The following GPR158 variants were observed in gnomAD, a reference collection of about 807,000 sequenced individuals.
The protein encoded by GPR158 is G protein-coupled receptor 158.
Under a neutral mutation model 78.2 loss-of-function variants are expected in GPR158, and 30 were observed. That is an observed-to-expected ratio of 0.38 (90% CI 0.29 to 0.52). The LOEUF (loss-of-function observed/expected upper bound fraction) is 0.52, where lower values mean the gene tolerates loss of function less well. Among genes scored for constraint, GPR158 ranks in the 20% least tolerant of loss-of-function variants. GPR158 has a pLI of 0.83. For synonymous variants in GPR158, 581 were observed against 591.1 expected, an observed-to-expected ratio of 0.98 and a Z score of 0.25; for missense variants, 1,463 against 1,523.5, an observed-to-expected ratio of 0.96 and a Z score of 0.66.
chr10:25,503,205 CAAAA>C (rs5783937), intron 5 of GPR158, among the ~76,000 whole-genome samples: 2 of 138,374 alleles, frequency 1.4e-5, no homozygotes, highest in Non-Finnish European at 1.6e-5. Flanking sequence ...GACCTCATTG[CAAAA>C]AAAAAAAAAA....
intron 2 of GPR158, among the ~76,000 whole-genome samples, chr10:25,360,643 C>T (rs540852194): frequency 1.7e-4 from 26 of 152,074 alleles, no homozygotes; most frequent in South Asian, 2.1e-4. Flanking sequence ...ACCAGTACCA[C>T]GCAGTTTTCA....
intron 2 of GPR158, among the ~76,000 whole-genome samples, chr10:25,357,430 G>A (rs36035509): frequency 0.1 from 15,193 of 152,116 alleles, 1,882 homozygotes; most frequent in African/African-American, 0.3. Flanking sequence ...TTACAGGCCC[G>A]GAGGCCTAGG....
At chr10:25,521,087 G>A (rs575037979) in intron 5 of GPR158, among the ~76,000 whole-genome samples, 41 of 152,320 alleles carry the variant, frequency 2.7e-4, no homozygotes, top group African/African-American at 7.0e-4. Context: ...TCCTAAGCCC[G>A]TCGGAAAAGC....
chr10:25,263,613 G>C (rs2130735779), intron 2 of GPR158, among the ~76,000 whole-genome samples: 1 of 152,264 alleles, frequency 6.6e-6, no homozygotes, highest in African/African-American at 2.4e-5. Flanking sequence ...TGTATGCCTA[G>C]AATTGGCTGT....
chr10:25,188,168 T>A (rs1342125781), intron 1 of GPR158, among the ~76,000 whole-genome samples: 1 of 152,140 alleles, frequency 6.6e-6, no homozygotes, highest in East Asian at 1.9e-4. Context: ...TCCATGCTCA[T>A]GGATAGGAAG....
intron 5 of GPR158, among the ~76,000 whole-genome samples, chr10:25,478,798 C>T: frequency 7.7e-6 from 1 of 130,336 alleles, no homozygotes. Flanking sequence ...TCCTCCCTCC[C>T]CCCACCCCAC....
At chr10:25,341,682 G>C (rs367850739) in intron 2 of GPR158, among the ~76,000 whole-genome samples, 1 of 151,602 alleles carries the variant, frequency 6.6e-6, no homozygotes, top group East Asian at 1.9e-4. Flanking sequence ...CAAATCATTC[G>C]TCTCTCCTTC....
At chr10:25,515,218 G>T (rs1836147208) in intron 5 of GPR158, among the ~76,000 whole-genome samples, 1 of 151,708 alleles carries the variant, frequency 6.6e-6, no homozygotes, top group African/African-American at 2.4e-5. Flanking sequence ...TTTTGTCTTT[G>T]TTGATTAATA....
Position 25,365,668 on chromosome 10 carries a change from A to C in GPR158, c.1009-30243A>C, listed in dbSNP as rs565861903. Among the ~76,000 whole-genome samples the C allele has an allele frequency of 9.9e-5, 15 of 151,826 alleles. No individual in the cohort carries two copies. In the East Asian group the frequency reaches 1.9e-3, roughly 20 times the overall value. ...TCAAATAAGTCATAATAAAAAATAC[A>C]ATTTCTTTGACAGGTGAAGGAGAAA... is the stretch of plus-strand genomic sequence containing the variant. On this transcript the variant is annotated intron_variant, in intron 2 of 10. Coordinates refer to ENST00000376351, the MANE Select transcript of GPR158 (RefSeq NM_020752.3).
chr10:25,319,746 A>G (rs1854918268), intron 2 of GPR158, among the ~76,000 whole-genome samples: 1 of 152,062 alleles, frequency 6.6e-6, no homozygotes, highest in African/African-American at 2.4e-5. Context: ...GAGAGTTTTT[A>G]CTTTTAGCTC....
intron 4 of GPR158, among the ~76,000 whole-genome samples, chr10:25,419,352 AT>A (rs1236047612): frequency 6.6e-6 from 1 of 152,158 alleles, no homozygotes; most frequent in Non-Finnish European, 1.5e-5. Context: ...GATGAATAAC[AT>A]TTTATCATAT....
In GPR158 at chr10:25,368,095, T is replaced by G. The variant is rs1833920661; in HGVS notation, c.1009-27816T>G. On this transcript the variant is annotated intron_variant, in intron 2 of 10. Transcript: ENST00000376351. The stretch of plus-strand genomic sequence containing the variant: ...TTTTAAGCTGACTTTTAGAATTCCC[T>G]AGAGGAATTAGCCCCACCTGCCAGA... 2.6e-5 allele frequency among the ~76,000 whole-genome samples: 4 copies of G among 151,892 alleles called. No homozygotes were observed. In the South Asian group the frequency reaches 8.3e-4, roughly 31 times the overall value.
At chr10:25,287,015 A>G (rs1314400018) in intron 2 of GPR158, among the ~76,000 whole-genome samples, 1 of 151,582 alleles carries the variant, frequency 6.6e-6, no homozygotes, top group Non-Finnish European at 1.5e-5. Context: ...CCTCGTGGTG[A>G]GGGTTGGGGT....
At chr10:25,258,218 C>T (rs1282413259) in intron 2 of GPR158, among the ~76,000 whole-genome samples, 1 of 152,144 alleles carries the variant, frequency 6.6e-6, no homozygotes, top group South Asian at 2.1e-4. Flanking sequence ...ACTTAATCAC[C>T]ACTACATAAA....
chr10:25,515,025 G>A (rs573480410), intron 5 of GPR158, among the ~76,000 whole-genome samples: 5 of 152,096 alleles, frequency 3.3e-5, no homozygotes, highest in African/African-American at 1.2e-4. Flanking sequence ...AATTTCCCAG[G>A]TGTTCTTTGA....
In GPR158 at chr10:25,372,535, A is replaced by C. The variant is rs11498416; in HGVS notation, c.1009-23376A>C. On this transcript the variant is annotated intron_variant, in intron 2 of 10. Transcript: ENST00000376351. The stretch of plus-strand genomic sequence containing the variant: ...ATGGAATACTATGCAGCCATAAAAA[A>C]TGATGAGTTCATGTCCTTTGTAGGG... 7.4e-3 allele frequency among the ~76,000 whole-genome samples: 1,086 copies of C among 147,014 alleles called. 14 individuals carry two copies. Among genetic ancestry groups the C allele is most frequent in the African/African-American group, 0.027 (1,046 of 39,406 alleles).
intron 5 of GPR158, among the ~76,000 whole-genome samples, chr10:25,539,377 G>T (rs1475682206): frequency 6.6e-6 from 1 of 152,110 alleles, no homozygotes; most frequent in African/African-American, 2.4e-5. Flanking sequence ...TCTTATTCTG[G>T]TTCAGAGAAT....
At chr10:25,458,261 T>G (rs1471379277) in intron 4 of GPR158, among the ~76,000 whole-genome samples, 2 of 152,238 alleles carry the variant, frequency 1.3e-5, no homozygotes, top group African/African-American at 4.8e-5. Context: ...TTTTAGTGTT[T>G]TAGTTAAGAC....
Position 25,405,532 on chromosome 10 carries a change from A to C in GPR158, c.1112-6718A>C, listed in dbSNP as rs1378536344. Among the ~76,000 whole-genome samples the C allele has an allele frequency of 1.0e-4, 6 of 58,040 alleles. No individual in the cohort carries two copies. The East Asian group carries it at 3.0e-3, about 29-fold the overall frequency. 38.1% of individuals were successfully genotyped at this position (58,040 alleles called of 152,430 possible). ...TTTTTTTTTTTTTTTTTTTTTTGCT[A>C]GCATGACATTAAGGTTGTTCTTTTG... On this transcript the variant is annotated intron_variant, in intron 3 of 10. Coordinates refer to ENST00000376351, the MANE Select transcript of GPR158 (RefSeq NM_020752.3).
Sources: gnomAD v4.1 joint callset for allele counts (sites outside exome capture counted in the v4.1 genomes callset) on GRCh38, gnomAD v4.1.1 for gene constraint, MANE v1.5 for transcripts, NCBI Gene and HGNC (gene_info 2026-07-23, HGNC 2026-07-21) for gene names.